Variants in TGFBR3 observed in about 807,000 individuals in gnomAD.
The protein encoded by TGFBR3 is transforming growth factor beta receptor 3, also known as transforming growth factor beta receptor type 3.
TGFBR3 carries 46 observed loss-of-function variants against 87.9 expected under a neutral mutation model. That is an observed-to-expected ratio of 0.52 (90% CI 0.41 to 0.67). TGFBR3 has a LOEUF of 0.67. TGFBR3 is among the 30% of genes least tolerant of loss of function. The probability of loss-of-function intolerance (pLI) is 0.00; values close to 1 mark genes in which losing one functional copy is unlikely to be tolerated. For missense variants in TGFBR3, 866 were observed against 1,041.9 expected, an observed-to-expected ratio of 0.83 and a Z score of 2.32; for synonymous variants, 381 against 391.6, an observed-to-expected ratio of 0.97 and a Z score of 0.32.
At chr1:91,719,545 GGTCT>G in intron 9 of TGFBR3, 81 bp from the exon 10 acceptor site, 3 of 1,564,246 alleles carry the variant, frequency 1.9e-6, no homozygotes, top group Non-Finnish European at 2.6e-6. Flanking sequence ...ACAATTGCCT[GGTCT>G]TCCAAGGACA....
At chr1:91,773,034 T>C (rs997215671) in intron 3 of TGFBR3, among the ~76,000 whole-genome samples, 5 of 152,160 alleles carry the variant, frequency 3.3e-5, no homozygotes, top group Admixed American at 6.5e-5. Flanking sequence ...CAAACCCCGG[T>C]GCTCCCCAAT....
At chr1:91,690,620 C>A (rs1487302001) in intron 16 of TGFBR3, among the ~76,000 whole-genome samples, 1 of 152,122 alleles carries the variant, frequency 6.6e-6, no homozygotes, top group Non-Finnish European at 1.5e-5. Flanking sequence ...CAGGATTATA[C>A]CCTGGCCGGG....
intron 2 of TGFBR3, among the ~76,000 whole-genome samples, chr1:91,800,253 TATACACAC>T (rs1453766577): frequency 1.1e-4 from 15 of 132,342 alleles, no homozygotes; most frequent in Non-Finnish European, 1.6e-4. Flanking sequence ...TATATATATA[TATACACAC>T]ACACACACAC....
chr1:91,716,782 A>G (rs939225965), intron 10 of TGFBR3, 74 bp from the exon 11 acceptor site: 4 of 1,542,758 alleles, frequency 2.6e-6, no homozygotes, highest in Non-Finnish European at 3.6e-6. Flanking sequence ...CCTCACACAA[A>G]CACTCATGTA....
At position 91,719,994 on chromosome 1, in the gene TGFBR3, G is replaced by C. The variant is rs1163933489; in HGVS notation, c.1312C>G (p.Leu438Val). 1.2e-6 allele frequency: 2 copies of C among 1,614,182 alleles called. No homozygotes were observed. The highest frequency in any genetic ancestry group is 4.5e-5 in the East Asian group (2 of 44,876). Residue 438 changes from leucine to valine, a missense_variant, in exon 9 of 17, where the codon CTC becomes GTC. Transcript: ENST00000212355. ...VIPSIQLFPG[L>V]REPEEVQGSV... ...CCTTGCACCTCTTCTGGCTCTCTGA[G>C]ACCAGGAAACAGTTGTATGCTGGGA...
intron 1 of TGFBR3, among the ~76,000 whole-genome samples, chr1:91,884,088 G>A (rs1278341384): frequency 2.6e-5 from 4 of 152,110 alleles, no homozygotes; most frequent in East Asian, 3.9e-4. Context: ...TTGGGAGGCC[G>A]AGGCAGGTGG....
At chr1:91,740,551 G>A (rs1017085232) in intron 4 of TGFBR3, among the ~76,000 whole-genome samples, 4 of 151,502 alleles carry the variant, frequency 2.6e-5, no homozygotes, top group African/African-American at 9.7e-5. Flanking sequence ...TTTTAGTAGA[G>A]ACAGGGTTTC....
chr1:91,816,649 C>T (rs946542493), intron 2 of TGFBR3, among the ~76,000 whole-genome samples: 2 of 152,228 alleles, frequency 1.3e-5, no homozygotes, highest in East Asian at 1.9e-4. Context: ...CTAGAAACTG[C>T]GTGGTTCCCA....
chr1:91,725,867 C>A (rs1178250732), intron 7 of TGFBR3, among the ~76,000 whole-genome samples: 1 of 152,198 alleles, frequency 6.6e-6, no homozygotes, highest in Non-Finnish European at 1.5e-5. Flanking sequence ...TAAACCATTG[C>A]CCCCTTTCTA....
chr1:91,774,411 T>C (rs1311315375), intron 3 of TGFBR3, among the ~76,000 whole-genome samples: 4 of 152,308 alleles, frequency 2.6e-5, no homozygotes, highest in African/African-American at 9.6e-5. Context: ...GCTAGGATTA[T>C]AGGCGTAAGC....
chr1:91,789,072 C>T (rs1432151630), intron 3 of TGFBR3, among the ~76,000 whole-genome samples: 4 of 152,132 alleles, frequency 2.6e-5, no homozygotes, highest in Non-Finnish European at 4.4e-5. Context: ...CCGAGGCTGA[C>T]GGATCACAAG....
chr1:91,824,228 C>G (rs978848434), intron 2 of TGFBR3, among the ~76,000 whole-genome samples: 3 of 152,126 alleles, frequency 2.0e-5, no homozygotes, highest in African/African-American at 7.2e-5. Flanking sequence ...GTATGTAGTA[C>G]AGAACACAGA....
intron 14 of TGFBR3, among the ~76,000 whole-genome samples, chr1:91,701,368 C>A (rs1488186156): frequency 2.6e-5 from 4 of 152,066 alleles, no homozygotes; most frequent in Non-Finnish European, 4.4e-5. Context: ...ATGGCTTGAT[C>A]TCCACCGGAA....
chr1:91,799,061 A>G (rs1470418693), intron 2 of TGFBR3, among the ~76,000 whole-genome samples: 1 of 152,214 alleles, frequency 6.6e-6, no homozygotes, highest in African/African-American at 2.4e-5. Flanking sequence ...CCTCCCAGAT[A>G]GAACCCACGA....
At chr1:91,830,580 C>T (rs907893077) in intron 2 of TGFBR3, among the ~76,000 whole-genome samples, 1 of 152,102 alleles carries the variant, frequency 6.6e-6, no homozygotes, top group Non-Finnish European at 1.5e-5. Context: ...AGTGGGTCAA[C>T]GGGAGCTGCA....
chr1:91,801,099 A>AAAAAG (rs58454913), intron 2 of TGFBR3: 31 of 175,130 alleles, frequency 1.8e-4, no homozygotes, highest in South Asian at 2.6e-4. Flanking sequence ...AAAAAAAAAA[A>AAAAAG]AGAGAGAGAG....
At chr1:91,729,725 G>T in intron 6 of TGFBR3, 80 bp downstream of exon 6, 1 of 1,533,786 alleles carries the variant, frequency 6.5e-7, no homozygotes. Flanking sequence ...TGTAGGACGG[G>T]CTACACCTCT....
intron 2 of TGFBR3, among the ~76,000 whole-genome samples, chr1:91,806,390 C>T (rs902042378): frequency 1.3e-5 from 2 of 152,172 alleles, no homozygotes; most frequent in African/African-American, 4.8e-5. Context: ...GGAACAGATG[C>T]ATTTGCTGCA....
At chr1:91,708,807 C>A in intron 13 of TGFBR3, 24 bp from the exon 14 acceptor site, 2 of 1,612,914 alleles carry the variant, frequency 1.2e-6, no homozygotes, top group Non-Finnish European at 8.5e-7. Context: ...GAACAAAGCA[C>A]AGAATCAGGG....
Sources: gnomAD v4.1 joint callset for allele counts (sites outside exome capture counted in the v4.1 genomes callset) on GRCh38, gnomAD v4.1.1 for gene constraint, MANE v1.5 for transcripts, NCBI Gene and HGNC (gene_info 2026-07-23, HGNC 2026-07-21) for gene names.